The following ANKHD1 variants were observed in gnomAD, a reference collection of about 807,000 sequenced individuals.
The protein encoded by ANKHD1 is ankyrin repeat and KH domain containing 1.
ANKHD1 carries 31 observed loss-of-function variants against 230.5 expected under a neutral mutation model. That is an observed-to-expected ratio of 0.13 (90% CI 0.10 to 0.18). The LOEUF (loss-of-function observed/expected upper bound fraction) is 0.18, where lower values mean the gene tolerates loss of function less well. Ranked by LOEUF, ANKHD1 falls within the 10% of genes least tolerant of loss-of-function variation. The probability of loss-of-function intolerance (pLI) is 1.00; values close to 1 mark genes in which losing one functional copy is unlikely to be tolerated. For missense variants in ANKHD1, 2,256 were observed against 3,071.3 expected (o/e 0.73, Z 6.27); for synonymous variants, 1,074 against 1,117.6 (o/e 0.96, Z 0.78).
intron 10 of ANKHD1, among the ~76,000 whole-genome samples, chr5:140,467,523 T>A (rs1293482283): frequency 6.6e-6 from 1 of 152,180 alleles, no homozygotes; most frequent in Non-Finnish European, 1.5e-5. Flanking sequence ...AAGGCTGCAG[T>A]GCACAATGAG....
chr5:140,402,503 T>C (rs937106742), intron 1 of ANKHD1, among the ~76,000 whole-genome samples: 9 of 152,144 alleles, frequency 5.9e-5, no homozygotes, highest in Admixed American at 5.2e-4. Context: ...AGGGAGTCCT[T>C]TGGTCTCTGA....
At position 140,512,804 on chromosome 5, in the gene ANKHD1, C is replaced by CT. The variant is rs1292043356; in HGVS notation, c.4105-23dup. On this transcript the variant is annotated intron_variant, in intron 22 of 33. Coordinates refer to ENST00000360839, the MANE Select transcript of ANKHD1 (RefSeq NM_017747.3). ...AATTTTTCTTTTCATGCTACCTTGT[C>CT]TAAGATTGTTGTACTTCTTATAGGG... The CT allele has an allele frequency of 1.9e-6, 3 of 1,560,912 alleles. No individual in the cohort carries two copies. In the Admixed American group the frequency reaches 6.1e-5, roughly 32 times the overall value.
chr5:140,408,430 C>A (rs2126841090), intron 1 of ANKHD1, among the ~76,000 whole-genome samples: 1 of 152,126 alleles, frequency 6.6e-6, no homozygotes, highest in East Asian at 1.9e-4. Flanking sequence ...AAAAGTGTAG[C>A]TTTATATCAC....
intron 10 of ANKHD1, among the ~76,000 whole-genome samples, chr5:140,479,809 G>A (rs1751183434): frequency 1.3e-5 from 2 of 149,724 alleles, no homozygotes; most frequent in Non-Finnish European, 3.0e-5. Flanking sequence ...GGGAATCAAT[G>A]GGAATATATG....
intron 1 of ANKHD1, among the ~76,000 whole-genome samples, chr5:140,404,572 C>T (rs1770259350): frequency 6.6e-6 from 1 of 151,670 alleles, no homozygotes; most frequent in Admixed American, 6.6e-5. Context: ...AACTGGGATT[C>T]CAGGTGCCTG....
intron 1 of ANKHD1, among the ~76,000 whole-genome samples, chr5:140,409,024 AG>A (rs138549313): frequency 0.016 from 2,466 of 152,278 alleles, 75 homozygotes; most frequent in African/African-American, 0.056. Flanking sequence ...AGATGCCAGT[AG>A]AACCCGATTA....
intron 24 of ANKHD1, among the ~76,000 whole-genome samples, chr5:140,520,119 G>T (rs914797634): frequency 6.6e-6 from 1 of 151,322 alleles, no homozygotes; most frequent in African/African-American, 2.4e-5. Context: ...GTGGGCAAAG[G>T]ACATGAACAG....
At chr5:140,450,963 G>T (rs1165666776) in intron 7 of ANKHD1, among the ~76,000 whole-genome samples, 1 of 151,962 alleles carries the variant, frequency 6.6e-6, no homozygotes, top group Non-Finnish European at 1.5e-5. Context: ...GACCAGCCTG[G>T]CCAACATGGT....
intron 10 of ANKHD1, among the ~76,000 whole-genome samples, chr5:140,467,128 T>G (rs1209466334): frequency 6.6e-6 from 1 of 152,148 alleles, no homozygotes; most frequent in Non-Finnish European, 1.5e-5. Context: ...TGTTCTATCA[T>G]AATCTTTACC....
chr5:140,530,321 C>T (rs747571851), intron 29 of ANKHD1, among the ~76,000 whole-genome samples: 4 of 152,298 alleles, frequency 2.6e-5, no homozygotes, highest in Non-Finnish European at 4.4e-5. Context: ...AAGCATTTCT[C>T]GTTCCTCATC....
At chr5:140,433,064 A>C (rs10073519) in intron 1 of ANKHD1, among the ~76,000 whole-genome samples, 61,798 of 135,930 alleles carry the variant, frequency 0.45, 13,238 homozygotes, top group East Asian at 0.56. Context: ...TCCCCCCCCC[A>C]AAAAAAAAAC....
chr5:140,489,954 T>C (rs1032944375), intron 14 of ANKHD1, among the ~76,000 whole-genome samples: 1 of 152,204 alleles, frequency 6.6e-6, no homozygotes, highest in Non-Finnish European at 1.5e-5. Flanking sequence ...TGCTATGAAT[T>C]AGGAAAAATC....
At chr5:140,431,173 G>A (rs997842602) in intron 1 of ANKHD1, among the ~76,000 whole-genome samples, 11 of 152,154 alleles carry the variant, frequency 7.2e-5, no homozygotes, top group Non-Finnish European at 1.5e-4. Context: ...AAAGGAAACA[G>A]TAGTGCTTTT....
intron 24 of ANKHD1, among the ~76,000 whole-genome samples, chr5:140,517,578 A>G (rs1325697804): frequency 6.6e-3 from 583 of 88,976 alleles, no homozygotes; most frequent in African/African-American, 8.5e-3. Flanking sequence ...AACAGAAATT[A>G]TAACAAACTA....
intron 1 of ANKHD1, among the ~76,000 whole-genome samples, chr5:140,423,936 G>C (rs970976774): frequency 2.6e-5 from 4 of 152,074 alleles, no homozygotes; most frequent in Admixed American, 6.6e-5. Context: ...TCTTCCATTA[G>C]CTCTCTCTCC....
At chr5:140,493,824 A>G (rs1011741841) in intron 14 of ANKHD1, among the ~76,000 whole-genome samples, 4 of 152,124 alleles carry the variant, frequency 2.6e-5, no homozygotes, top group African/African-American at 9.7e-5. Flanking sequence ...CTTGCATATT[A>G]TTTGTTAACA....
chr5:140,403,702 G>A (rs187462752), intron 1 of ANKHD1, among the ~76,000 whole-genome samples: 13 of 152,296 alleles, frequency 8.5e-5, no homozygotes, highest in East Asian at 3.9e-4. Flanking sequence ...TGTGGCTTGC[G>A]TAGAGTACTG....
intron 24 of ANKHD1, among the ~76,000 whole-genome samples, chr5:140,515,562 G>A (rs2127067513): frequency 6.6e-6 from 1 of 152,314 alleles, no homozygotes; most frequent in Non-Finnish European, 1.5e-5. Context: ...GAAGAGAGCA[G>A]TGGTTCTCCC....
intron 10 of ANKHD1, among the ~76,000 whole-genome samples, chr5:140,477,017 T>C (rs974480671): frequency 1.3e-5 from 2 of 152,112 alleles, no homozygotes; most frequent in Non-Finnish European, 2.9e-5. Flanking sequence ...ACTCAATTGT[T>C]AAAGGGCAGA....
Sources: allele counts gnomAD v4.1 joint callset (sites outside exome capture counted in the v4.1 genomes callset), GRCh38; gene constraint gnomAD v4.1.1; transcripts MANE v1.5; gene names NCBI Gene and HGNC (gene_info 2026-07-23, HGNC 2026-07-21).